MYO7B: variants seen among roughly 807,000 people sequenced by gnomAD.
The protein encoded by MYO7B is myosin VIIB.
MYO7B carries 212 observed loss-of-function variants against 259.7 expected under a neutral mutation model. The ratio of observed to expected loss-of-function variants is 0.82; its 90% confidence interval spans 0.73 to 0.91. The LOEUF (loss-of-function observed/expected upper bound fraction) is 0.91, where lower values mean the gene tolerates loss of function less well. Ranked by LOEUF, MYO7B falls within the 40% of genes least tolerant of loss-of-function variation. The pLI is 0.00. For synonymous variants in MYO7B, 1,197 were observed against 1,166.4 expected (o/e 1.03, Z -0.54); for missense variants, 2,732 against 2,813.5 (o/e 0.97, Z 0.66).
Position 127,627,013 on chromosome 2 carries a change from G to A in MYO7B, c.4254G>A (p.Val1418=), listed in dbSNP as rs1377235267. ...AGAAGCAAGTCACACCACTGGCCGT[G>A]CGAGAGCAGGTGGTGGACGCCGCCC... ...YTQKQVTPLA[V]REQVVDAARL... is the part of the protein sequence containing the mutation. Residue 1418 remains valine (V), a synonymous_variant, in exon 32 of 48, where the codon GTG becomes GTA. Transcript: ENST00000409816. This position sits in a 1 kb window ranked among gnomAD's most constrained non-coding sequence, Gnocchi z 5.6. 6.2e-7 allele frequency: 1 copy of A among 1,611,448 alleles called. No individual in the cohort carries two copies. The highest frequency in any genetic ancestry group is 1.1e-5 in the South Asian group (1 of 90,780).
intron 19 of MYO7B, among the ~76,000 whole-genome samples, chr2:127,604,439 G>A (rs1000400801): frequency 1.3e-5 from 2 of 152,186 alleles, no homozygotes; most frequent in Admixed American, 6.5e-5. Context: ...TCCAGTCCAC[G>A]AAAACTGTCT....
intron 35 of MYO7B, among the ~76,000 whole-genome samples, chr2:127,630,178 C>T (rs867373669): frequency 1.3e-5 from 2 of 152,322 alleles, no homozygotes; most frequent in South Asian, 4.1e-4. Context: ...AGACCAGCCT[C>T]TCCGGAGGCA....
chr2:127,569,648 G>T, intron 5 of MYO7B, 141 bp from the exon 6 acceptor site: 2 of 1,089,524 alleles, frequency 1.8e-6, no homozygotes, highest in Middle Eastern at 2.3e-4. Flanking sequence ...CAGGGCTTCA[G>T]TGCAGTGGGA....
chr2:127,629,146 G>T (rs1183592714), intron 34 of MYO7B, among the ~76,000 whole-genome samples: 3 of 152,212 alleles, frequency 2.0e-5, no homozygotes, highest in Admixed American at 6.5e-5. Flanking sequence ...GTGCTGGTTG[G>T]GATGTAGCAG....
In MYO7B at chr2:127,607,939, A is replaced by T. The variant is rs1315726302; in HGVS notation, c.2643+515A>T. On this transcript the variant is annotated intron_variant, in intron 21 of 47. Transcript: ENST00000409816. The surrounding 1 kb of genome is among the most constrained non-coding windows in gnomAD (Gnocchi z 4.4). ...GCCCCAGTTCCATGGAAGAGAGCAA[A>T]GTGTCCTGGTTACTGGGCTGTGTAT... Among the ~76,000 whole-genome samples the T allele has an allele frequency of 6.6e-6, 1 of 152,160 alleles. No homozygotes were observed. The highest frequency in any genetic ancestry group is 2.4e-5 in the African/African-American group (1 of 41,438).
At chr2:127,593,994 C>T (rs1573668042) in intron 18 of MYO7B, among the ~76,000 whole-genome samples, 2 of 152,340 alleles carry the variant, frequency 1.3e-5, no homozygotes, top group Non-Finnish European at 1.5e-5. Context: ...GAGACCTGGC[C>T]TCCATCATGC....
chr2:127,578,427 C>T, intron 9 of MYO7B, 141 bp downstream of exon 9: 1 of 1,176,678 alleles, frequency 8.5e-7, no homozygotes, highest in Non-Finnish European at 1.2e-6. Flanking sequence ...AAAAATTCAG[C>T]TGTGATTTTG....
chr2:127,607,305 C>T lies in MYO7B; in HGVS notation c.2524C>T (p.Leu842=), dbSNP rs139472634. 1.6e-4 allele frequency: 251 copies of T among 1,551,396 alleles called. 5 individuals are homozygous for T. In the East Asian group the frequency reaches 6.0e-3, roughly 37 times the overall value. The change falls in exon 21 of 48, where the codon CTG becomes TTG. Residue 842 remains leucine (L), a synonymous_variant. Transcript: ENST00000409816. The surrounding 1 kb of genome is among the most constrained non-coding windows in gnomAD (Gnocchi z 4.4). The part of the protein sequence containing the change: ...MRQRTVQLQA[L]CRGYLVRQQV... ...GCAGAGGACAGTCCAGCTGCAGGCC[C>T]TGTGCAGGGGATACCTGGTGCGCCA... is the stretch of plus-strand genomic sequence containing the variant.
rs79658316 is a variant in MYO7B at position 127,607,082 on chromosome 2, C to T, written c.2425-124C>T. 2.1e-4 allele frequency: 181 copies of T among 850,786 alleles called. 4 individuals carry two copies. The East Asian group carries it at 4.3e-3, about 20-fold the overall frequency. 52.7% of individuals were successfully genotyped at this position (850,786 alleles called of 1,614,324 possible). On this transcript the variant is annotated intron_variant, in intron 20 of 47. Transcript: ENST00000409816. The surrounding 1 kb of genome is among the most constrained non-coding windows in gnomAD (Gnocchi z 4.4). ...TCATAGGTGTGTACCATTCTAGCAC[C>T]GGCCCTTTGCCAAAACAAAACTAAC...
At chr2:127,579,163 T>TGGGAGGACACCGTGGCAGA (rs1204458191) in intron 9 of MYO7B, among the ~76,000 whole-genome samples, 1 of 151,986 alleles carries the variant, frequency 6.6e-6, no homozygotes, top group African/African-American at 2.4e-5. Context: ...AGGTGGAGAC[T>TGGGAGGACACCGTGGCAGA]GGGAGGACAC....
rs777432 is a variant in MYO7B, at chr2:127,609,517, G to A, written c.2826G>A (p.Ser942=). ...QASPHFEDLE[S]KTQKLLEVDL... Reference sequence around the variant, plus strand: ...CTCAATGGCCGTAGGATCTGGAATCGAAGACCCAGAAGCTGCTTGAGGTTG... The same window carrying A: ...CTCAATGGCCGTAGGATCTGGAATCAAAGACCCAGAAGCTGCTTGAGGTTG... The change falls in exon 23 of 48, where the codon TCG becomes TCA. Residue 942 remains serine, a synonymous_variant. Coordinates refer to ENST00000409816, the MANE Select transcript of MYO7B (RefSeq NM_001393586.1). This position sits in a 1 kb window ranked among gnomAD's most constrained non-coding sequence, Gnocchi z 6.9. 0.35 allele frequency: 557,179 copies of A among 1,610,912 alleles called. 98,682 individuals carry two copies. Among genetic ancestry groups the A allele is most frequent in the Middle Eastern group, 0.39 (2,359 of 6,060 alleles).
Position 127,550,840 on chromosome 2 carries a change from C to T in MYO7B, c.-23-8860C>T, listed in dbSNP as rs115735525. Among the ~76,000 whole-genome samples the T allele has an allele frequency of 9.0e-3, 1,208 of 134,764 alleles. 8 individuals are homozygous for T. The highest frequency in any genetic ancestry group is 0.017 in the Admixed American group (221 of 12,716). The allele number at this position is 134,764 out of a possible 152,430, so 88.4% of individuals were successfully genotyped here. A position where few individuals can be genotyped will look rare whatever the true frequency, so the allele number is the denominator to read the frequency against. ...TTATCACTATTCAGAGGGTAAAGGA[C>T]CAGGAGAGTGGACGAGGATGAAGAT... is the stretch of plus-strand genomic sequence containing the variant. On this transcript the variant is annotated intron_variant, in intron 1 of 47. Coordinates refer to ENST00000409816, the MANE Select transcript of MYO7B (RefSeq NM_001393586.1).
chr2:127,602,651 AAAAAAGAAAAC>A (rs141324585), intron 19 of MYO7B, among the ~76,000 whole-genome samples: 2,595 of 152,184 alleles, frequency 0.017, 77 homozygotes, highest in African/African-American at 0.059. Context: ...CCCTGTCTCC[AAAAAAGAAAAC>A]AAAGAAAGGA....
rs1223872595 is a variant in MYO7B, at chr2:127,592,778, C to G, written c.1993-16C>G. 2 of 1,603,000 alleles carry G rather than the reference C, an allele frequency of 1.2e-6. No homozygotes were observed. The highest frequency in any genetic ancestry group is 1.7e-5 in the Admixed American group (1 of 58,918). On this transcript the variant is annotated splice_polypyrimidine_tract_variant and intron_variant, in intron 16 of 47. Transcript: ENST00000409816. ...GTGGGGCTTGCGCTGGGTCAGCGCC[C>G]GGTGTCCGCCCACAGCTGTTCGACC...
intron 1 of MYO7B, among the ~76,000 whole-genome samples, chr2:127,544,850 G>C (rs892434431): frequency 1.3e-5 from 2 of 151,908 alleles, no homozygotes; most frequent in African/African-American, 4.8e-5. Flanking sequence ...AAAGTACTGG[G>C]ATTACAGGCA....
At chr2:127,551,001 G>C (rs868400952) in intron 1 of MYO7B, among the ~76,000 whole-genome samples, 3 of 151,400 alleles carry the variant, frequency 2.0e-5, no homozygotes, top group African/African-American at 7.3e-5. Flanking sequence ...TTATCTGGGT[G>C]GTTCCGGCCC....
At chr2:127,617,834 T>C (rs1468093241) in intron 26 of MYO7B, among the ~76,000 whole-genome samples, 1 of 149,210 alleles carries the variant, frequency 6.7e-6, no homozygotes, top group East Asian at 1.9e-4. Flanking sequence ...TCTGGTTGGT[T>C]TTAGTTTTTT....
At position 127,627,492 on chromosome 2, in the gene MYO7B, C is replaced by A. The variant is rs1017901697; in HGVS notation, c.4460+182C>A. The A allele has an allele frequency of 3.5e-6, 3 of 849,902 alleles. No individual in the cohort carries two copies. The highest frequency in any genetic ancestry group is 1.7e-5 in the African/African-American group (1 of 59,852). The allele number at this position is 849,902 out of a possible 1,614,324, so 52.6% of individuals were successfully genotyped here. On this transcript the variant is annotated intron_variant, in intron 33 of 47. Transcript: ENST00000409816. This position sits in a 1 kb window ranked among gnomAD's most constrained non-coding sequence, Gnocchi z 5.6. ...GGAGCCCCACCCTCCTGCACCAGGC[C>A]GTACTGCCCATGAAGTACTCCATTG...
In MYO7B at chr2:127,582,019, C is replaced by T. The variant is rs749719279; in HGVS notation, c.1200+9C>T. On this transcript the variant is annotated intron_variant, in intron 11 of 47. Coordinates refer to ENST00000409816, the MANE Select transcript of MYO7B (RefSeq NM_001393586.1). ...GGGACGCCTTTGTCAAGGTACAGAG[C>T]TGAGAGAGCAGGGCTTACATGGCCA... is the stretch of plus-strand genomic sequence containing the variant. The T allele has an allele frequency of 6.2e-7, 1 of 1,613,638 alleles. No individual in the cohort carries two copies. Among genetic ancestry groups the T allele is most frequent in the Admixed American group, 1.7e-5 (1 of 60,026 alleles).
Sources: allele counts gnomAD v4.1 joint callset (sites outside exome capture counted in the v4.1 genomes callset), GRCh38; gene constraint gnomAD v4.1.1; non-coding constraint Gnocchi (gnomAD v3.1); transcripts MANE v1.5; gene names NCBI Gene and HGNC (gene_info 2026-07-23, HGNC 2026-07-21).